MAN1A2: variants seen among roughly 807,000 people sequenced by gnomAD.
The protein encoded by MAN1A2 is mannosidase alpha class 1A member 2.
Under a neutral mutation model 75.7 loss-of-function variants are expected in MAN1A2, and 26 were observed. The ratio of observed to expected loss-of-function variants is 0.34; its 90% CI spans 0.25 to 0.48. The LOEUF is 0.48. MAN1A2 is among the 20% of genes least tolerant of loss of function. The probability of loss-of-function intolerance (pLI) is 0.99; values close to 1 mark genes in which losing one functional copy is unlikely to be tolerated. For missense variants in MAN1A2, 562 were observed against 775.5 expected (o/e 0.72, Z 3.27); for synonymous variants, 247 against 264.6 (o/e 0.93, Z 0.65).
chr1:117,497,102 A>G, intron 10 of MAN1A2, 120 bp downstream of exon 10: 1 of 633,892 alleles, frequency 1.6e-6, no homozygotes. Flanking sequence ...TACACCAACA[A>G]GGCAAATCAT....
At chr1:117,371,339 T>C (rs972558338) in intron 1 of MAN1A2, among the ~76,000 whole-genome samples, 2 of 152,186 alleles carry the variant, frequency 1.3e-5, no homozygotes, top group Non-Finnish European at 2.9e-5. Context: ...TTCATGAAAC[T>C]TTCAATCTAG....
chr1:117,492,727 A>G (rs538780607), intron 8 of MAN1A2, among the ~76,000 whole-genome samples: 5 of 152,210 alleles, frequency 3.3e-5, no homozygotes, highest in Admixed American at 6.6e-5. Flanking sequence ...TAACCATTGT[A>G]TAGGAACATG....
At position 117,462,415 on chromosome 1, in the gene MAN1A2, G is replaced by A. The variant is rs143951519; in HGVS notation, c.1074+1803G>A. Among the ~76,000 whole-genome samples, 109 of 151,984 alleles carry A rather than the reference G, an allele frequency of 7.2e-4. 1 individual carries two copies. Among genetic ancestry groups the A allele is most frequent in the African/African-American group, 2.6e-3 (108 of 41,492 alleles). ...CAAAGCTGAACAGTATATTGGTTAG[G>A]GATTCAAAATGGTTTTGATAAATTG... On this transcript the variant is annotated intron_variant, in intron 7 of 12. Transcript: ENST00000356554.
At chr1:117,500,644 A>G (rs1651171216) in intron 11 of MAN1A2, among the ~76,000 whole-genome samples, 1 of 151,884 alleles carries the variant, frequency 6.6e-6, no homozygotes, top group African/African-American at 2.4e-5. Context: ...GACTTTAACA[A>G]TAAGAGCATA....
At chr1:117,375,307 A>C (rs1055537582) in intron 1 of MAN1A2, among the ~76,000 whole-genome samples, 2 of 152,122 alleles carry the variant, frequency 1.3e-5, no homozygotes, top group Non-Finnish European at 2.9e-5. Flanking sequence ...AACAAAACAC[A>C]CCTCTCATGG....
intron 5 of MAN1A2, among the ~76,000 whole-genome samples, chr1:117,427,993 G>T (rs1183676922): frequency 8.5e-5 from 13 of 152,104 alleles, no homozygotes; most frequent in African/African-American, 3.1e-4. Context: ...ACTCTTAATA[G>T]TCTGTGAAAA....
intron 7 of MAN1A2, among the ~76,000 whole-genome samples, chr1:117,463,651 G>A (rs564952177): frequency 6.6e-6 from 1 of 152,102 alleles, no homozygotes; most frequent in South Asian, 2.1e-4. Flanking sequence ...AGAAACAAAA[G>A]CAGAGTGGTA....
At chr1:117,394,585 T>C (rs1653847807) in intron 1 of MAN1A2, among the ~76,000 whole-genome samples, 1 of 152,236 alleles carries the variant, frequency 6.6e-6, no homozygotes, top group African/African-American at 2.4e-5. Flanking sequence ...TTTCTTCTTC[T>C]GTTTCTACTG....
At chr1:117,458,496 T>TATATATATAG (rs1649677538) in intron 6 of MAN1A2, among the ~76,000 whole-genome samples, 4 of 74,472 alleles carry the variant, frequency 5.4e-5, no homozygotes, top group Non-Finnish European at 8.1e-5. Context: ...TATATATATA[T>TATATATATAG]CTATATATAT....
intron 8 of MAN1A2, among the ~76,000 whole-genome samples, chr1:117,490,254 C>T (rs1309065863): frequency 2.0e-5 from 3 of 151,834 alleles, no homozygotes; most frequent in Non-Finnish European, 2.9e-5. Context: ...TGAGCAAATC[C>T]GTCAGCATCA....
chr1:117,414,567 T>C (rs762796874), intron 3 of MAN1A2, 146 bp from the exon 4 acceptor site: 101 of 462,196 alleles, frequency 2.2e-4, no homozygotes, highest in Non-Finnish European at 3.5e-4. Context: ...TCTAAATTTT[T>C]AGTCCTTATA....
chr1:117,460,196 T>G (rs947660800), intron 6 of MAN1A2, among the ~76,000 whole-genome samples: 4 of 152,146 alleles, frequency 2.6e-5, no homozygotes, highest in African/African-American at 7.2e-5. Context: ...CATAAAACAT[T>G]CTGTAGTAAT....
At chr1:117,453,901 C>T (rs1173241683) in intron 6 of MAN1A2, among the ~76,000 whole-genome samples, 3 of 152,086 alleles carry the variant, frequency 2.0e-5, no homozygotes, top group Non-Finnish European at 4.4e-5. Flanking sequence ...GAAATTGCCC[C>T]AGCCACCCCA....
At chr1:117,500,669 TG>T (rs1367707854) in intron 11 of MAN1A2, among the ~76,000 whole-genome samples, 1 of 151,810 alleles carries the variant, frequency 6.6e-6, no homozygotes, top group Non-Finnish European at 1.5e-5. Flanking sequence ...TGGAAACAAG[TG>T]GTTACACAGG....
intron 10 of MAN1A2, 32 bp downstream of exon 10, chr1:117,497,014 C>T: frequency 1.3e-6 from 2 of 1,516,350 alleles, no homozygotes. Context: ...ATTATATAGT[C>T]TAAAATAATC....
intron 8 of MAN1A2, among the ~76,000 whole-genome samples, chr1:117,476,493 C>T (rs553986599): frequency 2.2e-4 from 33 of 152,058 alleles, no homozygotes; most frequent in Non-Finnish European, 3.2e-4. Flanking sequence ...GGTTTTAGGT[C>T]TTAGGTTTAA....
chr1:117,397,604 G>A (rs1490758021), intron 1 of MAN1A2, among the ~76,000 whole-genome samples: 2 of 143,540 alleles, frequency 1.4e-5, no homozygotes, highest in Non-Finnish European at 3.0e-5. Flanking sequence ...ATATGCATTT[G>A]TATTGCCTAC....
At chr1:117,394,890 C>T (rs146326897) in intron 1 of MAN1A2, among the ~76,000 whole-genome samples, 10 of 152,052 alleles carry the variant, frequency 6.6e-5, no homozygotes, top group African/African-American at 1.9e-4. Flanking sequence ...TTTTTAAGGA[C>T]GGGTGAAACT....
At chr1:117,398,249 T>C (rs1647286208) in intron 1 of MAN1A2, among the ~76,000 whole-genome samples, 2 of 152,138 alleles carry the variant, frequency 1.3e-5, no homozygotes, top group Admixed American at 1.3e-4. Context: ...TTAGGGAGAT[T>C]TGTCTAATCT....
Sources: gnomAD v4.1 joint callset for allele counts (sites outside exome capture counted in the v4.1 genomes callset) on GRCh38, gnomAD v4.1.1 for gene constraint, MANE v1.5 for transcripts, NCBI Gene and HGNC (gene_info 2026-07-23, HGNC 2026-07-21) for gene names.